The following GSK3B variants were observed in gnomAD, a reference collection of about 807,000 sequenced individuals.
The protein encoded by GSK3B is glycogen synthase kinase 3 beta.
Under a neutral mutation model 56.4 loss-of-function variants are expected in GSK3B, and 15 were observed. The observed-to-expected ratio is 0.27, with a 90% CI of 0.18 to 0.41. GSK3B has a LOEUF of 0.41. GSK3B is among the 10% of genes least tolerant of loss of function. The pLI, the probability that GSK3B is intolerant of heterozygous loss-of-function variation, is 1.00. For synonymous variants in GSK3B, 181 were observed against 188.9 expected, an observed-to-expected ratio of 0.96 and a Z score of 0.34; for missense variants, 300 against 513.4, an observed-to-expected ratio of 0.58 and a Z score of 4.02.
At chr3:119,908,481 G>A (rs1465901430) in intron 6 of GSK3B, among the ~76,000 whole-genome samples, 1 of 152,112 alleles carries the variant, frequency 6.6e-6, no homozygotes, top group Non-Finnish European at 1.5e-5. Context: ...TTTTATTTAA[G>A]CCTCACAGCC....
At chr3:119,916,005 G>A (rs200773897) in intron 5 of GSK3B, 39 bp downstream of exon 5, 380 of 1,456,816 alleles carry the variant, frequency 2.6e-4, no homozygotes, top group Non-Finnish European at 3.6e-4. Context: ...GGGGGAGGAG[G>A]GGAAAAGGGA....
At chr3:119,882,097 T>C (rs768796822) in intron 7 of GSK3B, among the ~76,000 whole-genome samples, 26 of 152,106 alleles carry the variant, frequency 1.7e-4, no homozygotes, top group Non-Finnish European at 4.4e-5. Context: ...ACTAATACAG[T>C]TACAATGTAT....
intron 3 of GSK3B, among the ~76,000 whole-genome samples, chr3:119,933,333 A>G (rs1303032977): frequency 1.3e-5 from 2 of 152,180 alleles, no homozygotes; most frequent in Non-Finnish European, 2.9e-5. Flanking sequence ...AACTCATGCA[A>G]TCTATTGGGC....
At chr3:119,894,430 C>A (rs1473695834) in intron 7 of GSK3B, among the ~76,000 whole-genome samples, 1 of 152,034 alleles carries the variant, frequency 6.6e-6, no homozygotes, top group Non-Finnish European at 1.5e-5. Flanking sequence ...TAGTTACTGT[C>A]TTTTTATTTT....
At chr3:120,062,119 G>A (rs558013880) in intron 1 of GSK3B, among the ~76,000 whole-genome samples, 1 of 152,106 alleles carries the variant, frequency 6.6e-6, no homozygotes, top group South Asian at 2.1e-4. Context: ...TAACAATTTG[G>A]GGAACACAGA....
intron 1 of GSK3B, among the ~76,000 whole-genome samples, chr3:120,042,118 A>G (rs948602202): frequency 2.0e-5 from 3 of 152,222 alleles, no homozygotes; most frequent in African/African-American, 4.8e-5. Context: ...CCAGACACCA[A>G]AAAAGCCTGT....
rs1392283089 is a variant in GSK3B at position 119,823,854 on chromosome 3, G to A, written c.*2934C>T. ...GTTATGAGTGAGTTATTATTTCAAA[G>A]GGAAAGGGGGTGGACAGGGAGACAT... is the stretch of plus-strand genomic sequence containing the variant. On this transcript the variant is annotated 3_prime_UTR_variant, in exon 11 of 11. Coordinates refer to ENST00000264235, the MANE Select transcript of GSK3B (RefSeq NM_001146156.2). The A allele has an allele frequency of 5.0e-6, 1 of 200,766 alleles. No homozygotes were observed. Among genetic ancestry groups the A allele is most frequent in the Non-Finnish European group, 1.0e-5 (1 of 97,544 alleles). 12.4% of individuals were successfully genotyped at this position (200,766 alleles called of 1,614,324 possible).
At chr3:119,886,872 G>A (rs908126751) in intron 7 of GSK3B, among the ~76,000 whole-genome samples, 5 of 152,048 alleles carry the variant, frequency 3.3e-5, no homozygotes, top group Non-Finnish European at 5.9e-5. Flanking sequence ...ACCAGAGCAG[G>A]AAAGAAGGCT....
At chr3:119,955,234 T>TAAAA in intron 2 of GSK3B, among the ~76,000 whole-genome samples, 1 of 126,610 alleles carries the variant, frequency 7.9e-6, no homozygotes, top group African/African-American at 2.8e-5. Flanking sequence ...AACCAACAGC[T>TAAAA]AAAAAAAAAA....
In GSK3B at chr3:119,821,491, C is replaced by T. The variant is rs1478384973; in HGVS notation, c.*5297G>A. 1 of 152,150 alleles carries T rather than the reference C, an allele frequency of 6.6e-6. No homozygotes were observed. Among genetic ancestry groups the T allele is most frequent in the Non-Finnish European group, 1.5e-5 (1 of 68,050 alleles). The allele number at this position is 152,150 out of a possible 1,614,324, so 9.4% of individuals were successfully genotyped here. On this transcript the variant is annotated 3_prime_UTR_variant, in exon 11 of 11. Coordinates refer to ENST00000264235, the MANE Select transcript of GSK3B (RefSeq NM_001146156.2). Reference sequence around the variant, plus strand: ...AGTATTGGAAATGAGCAGACTCAAACACAACATGTGTTGGTTACCTGGGAG... The same window carrying T: ...AGTATTGGAAATGAGCAGACTCAAATACAACATGTGTTGGTTACCTGGGAG...
intron 10 of GSK3B, among the ~76,000 whole-genome samples, chr3:119,831,374 T>C (rs2055594151): frequency 6.6e-6 from 1 of 151,746 alleles, no homozygotes; most frequent in Non-Finnish European, 1.5e-5. Context: ...AAGAGAAGAG[T>C]GGGCCGGGCG....
Position 119,870,960 on chromosome 3 carries a change from GA to G in GSK3B, c.909+5452del, listed in dbSNP as rs538591489. 2.6e-3 allele frequency among the ~76,000 whole-genome samples: 402 copies of G among 152,272 alleles called. 3 individuals are homozygous for G. The highest frequency in any genetic ancestry group is 4.5e-3 in the Non-Finnish European group (303 of 68,008). ...AAAGGTAGATAGAATGGATGTGAAAGAAAACTTTGGCAGCAATTTTTGTTTT... is the reference window on the plus strand; with the variant it reads ...AAAGGTAGATAGAATGGATGTGAAAGAAACTTTGGCAGCAATTTTTGTTTT... On this transcript the variant is annotated intron_variant, in intron 8 of 10. Transcript: ENST00000264235.
intron 1 of GSK3B, among the ~76,000 whole-genome samples, chr3:120,046,705 T>C (rs1304624989): frequency 6.6e-6 from 1 of 152,076 alleles, no homozygotes; most frequent in Non-Finnish European, 1.5e-5. Context: ...GCCTCCTAGG[T>C]TCAAGCAACT....
At chr3:120,008,525 G>A (rs1186683703) in intron 1 of GSK3B, among the ~76,000 whole-genome samples, 3 of 152,100 alleles carry the variant, frequency 2.0e-5, no homozygotes, top group Admixed American at 2.0e-4. Context: ...AGACCAAAGG[G>A]ATAGAACAGA....
chr3:119,913,105 A>G (rs1424737677), intron 5 of GSK3B, among the ~76,000 whole-genome samples: 1 of 152,094 alleles, frequency 6.6e-6, no homozygotes, highest in East Asian at 1.9e-4. Flanking sequence ...CTGTTCCCCA[A>G]ATTCCACCTC....
intron 1 of GSK3B, chr3:120,029,937 T>C (rs1371283662): frequency 3.7e-6 from 2 of 539,942 alleles, no homozygotes; most frequent in Non-Finnish European, 7.5e-6. Flanking sequence ...ACATGGGCCC[T>C]AGAGTGACCA....
At chr3:120,035,546 C>T (rs76943762) in intron 1 of GSK3B, among the ~76,000 whole-genome samples, 4,182 of 152,288 alleles carry the variant, frequency 0.027, 182 homozygotes, top group African/African-American at 0.092. Flanking sequence ...TGATAAACCA[C>T]TGGAACTGTA....
At chr3:120,077,744 C>T (rs2058379629) in intron 1 of GSK3B, among the ~76,000 whole-genome samples, 1 of 151,980 alleles carries the variant, frequency 6.6e-6, no homozygotes, top group African/African-American at 2.4e-5. Context: ...ATCATATTAA[C>T]ATCATGTTGT....
chr3:119,973,821 T>C (rs1027269454), intron 2 of GSK3B, among the ~76,000 whole-genome samples: 1 of 152,224 alleles, frequency 6.6e-6, no homozygotes, highest in African/African-American at 2.4e-5. Flanking sequence ...GTACTATTCA[T>C]GGTTTTAGGC....
Sources: gnomAD v4.1 joint callset for allele counts (sites outside exome capture counted in the v4.1 genomes callset) on GRCh38, gnomAD v4.1.1 for gene constraint, MANE v1.5 for transcripts, NCBI Gene and HGNC (gene_info 2026-07-23, HGNC 2026-07-21) for gene names.